MAGI2: variants seen among roughly 807,000 people sequenced by gnomAD.
MAGI2 encodes membrane-associated guanylate kinase, WW and PDZ domain-containing protein 2.
A neutral mutation model predicts 133.3 loss-of-function variants in MAGI2; 35 were observed. That is an observed-to-expected ratio of 0.26 (90% confidence interval 0.20 to 0.35). The LOEUF (loss-of-function observed/expected upper bound fraction) is 0.35. Among genes scored for constraint, MAGI2 ranks in the 10% least tolerant of loss-of-function variants. The probability of loss-of-function intolerance (pLI) is 1.00; values close to 1 mark genes in which losing one functional copy is unlikely to be tolerated. For missense variants in MAGI2, 1,636 were observed against 1,863.4 expected (o/e 0.88, Z 2.25); for synonymous variants, 729 against 710.6 (o/e 1.03, Z -0.41).
At chr7:78,922,081 T>G (rs1446045598) in intron 2 of MAGI2, among the ~76,000 whole-genome samples, 1 of 152,136 alleles carries the variant, frequency 6.6e-6, no homozygotes, top group African/African-American at 2.4e-5. Flanking sequence ...ACATGCTTTA[T>G]CAGTTGGTTC....
chr7:78,785,521 C>T lies in MAGI2; in HGVS notation c.419-158282G>A, dbSNP rs142878101. On this transcript the variant is annotated intron_variant, in intron 2 of 21. Transcript: ENST00000354212. ...GCCTTTGATGCCACTCACTTTTCTG[C>T]TCTGGGGATATGTGTAACATTTTTT... 7.3e-3 allele frequency among the ~76,000 whole-genome samples: 1,111 copies of T among 152,264 alleles called. 16 individuals are homozygous for T. Among genetic ancestry groups the T allele is most frequent in the African/African-American group, 0.026 (1,065 of 41,550 alleles).
intron 2 of MAGI2, among the ~76,000 whole-genome samples, chr7:78,872,533 A>G (rs1346639514): frequency 6.6e-6 from 1 of 152,162 alleles, no homozygotes; most frequent in South Asian, 2.1e-4. Context: ...ATCTCAAACC[A>G]TAAGTCAAAA....
At position 78,826,351 on chromosome 7, in the gene MAGI2, T is replaced by TAA. The variant is rs1212068156; in HGVS notation, c.418+180737_418+180738dup. ...CTAGGCGACAGAGTGAGACTCCGTC[T>TAA]AAAAAAAAAAAAAAAAAAAAAGAGT... On this transcript the variant is annotated intron_variant, in intron 2 of 21. Transcript: ENST00000354212. 1.1e-3 allele frequency among the ~76,000 whole-genome samples: 78 copies of TAA among 71,236 alleles called. 1 individual carries two copies. The highest frequency in any genetic ancestry group is 1.3e-3 in the African/African-American group (26 of 20,590). 46.7% of individuals were successfully genotyped at this position (71,236 alleles called of 152,430 possible).
chr7:79,047,105 A>C (rs771975126), intron 1 of MAGI2, among the ~76,000 whole-genome samples: 2 of 152,192 alleles, frequency 1.3e-5, no homozygotes, highest in Non-Finnish European at 2.9e-5. Flanking sequence ...TAAAATTATG[A>C]TGAGGCTATT....
rs1264885577 is a variant in MAGI2 at position 79,453,173 on chromosome 7, C to T, written c.148G>A (p.Gly50Ser). The T allele has an allele frequency of 1.9e-6, 3 of 1,614,052 alleles. No homozygotes were observed. The highest frequency in any genetic ancestry group is 8.5e-7 in the Non-Finnish European group (1 of 1,180,030). Residue 50 changes from glycine to serine, a missense_variant, in exon 1 of 22, where the codon GGC becomes AGC. By Grantham distance (56) the Gly-to-Ser change is moderately conservative. Transcript: ENST00000354212. ...CTGCCGCTCTCATAGGCCACCTTGC[C>T]GGGCTTCACCTCCCCCAGGTAGGGG... ...QFPYLGEVKP[G>S]KVAYESGSKL...
intron 2 of MAGI2, among the ~76,000 whole-genome samples, chr7:78,831,862 T>C (rs1261934012): frequency 2.6e-5 from 4 of 152,190 alleles, no homozygotes; most frequent in Non-Finnish European, 5.9e-5. Flanking sequence ...TTAAACACTC[T>C]CTGAAAAGAG....
At chr7:78,045,976 T>C (rs1237243471) in intron 21 of MAGI2, among the ~76,000 whole-genome samples, 2 of 152,170 alleles carry the variant, frequency 1.3e-5, no homozygotes, top group African/African-American at 4.8e-5. Context: ...AAGAACTAGA[T>C]GGTTTCCGGT....
chr7:78,314,404 G>A (rs1179339348), intron 9 of MAGI2, among the ~76,000 whole-genome samples: 2 of 152,150 alleles, frequency 1.3e-5, no homozygotes, highest in African/African-American at 2.4e-5. Context: ...TTGTAAGACA[G>A]ATAATTTGCT....
intron 1 of MAGI2, among the ~76,000 whole-genome samples, chr7:79,212,956 A>G (rs1479818634): frequency 1.3e-5 from 2 of 151,950 alleles, no homozygotes; most frequent in Non-Finnish European, 2.9e-5. Context: ...CTTCCTTAAC[A>G]CATAAATTTA....
At chr7:78,114,929 C>A (rs1381453248) in intron 20 of MAGI2, among the ~76,000 whole-genome samples, 1 of 152,200 alleles carries the variant, frequency 6.6e-6, no homozygotes, top group Non-Finnish European at 1.5e-5. Context: ...TGAGAGGGGG[C>A]AACTGCCAGC....
chr7:78,104,459 T>C (rs951307720), intron 20 of MAGI2, among the ~76,000 whole-genome samples: 3 of 151,762 alleles, frequency 2.0e-5, no homozygotes, highest in Admixed American at 2.0e-4. Flanking sequence ...CCTGACCTCG[T>C]CATCCGCCCG....
intron 9 of MAGI2, among the ~76,000 whole-genome samples, chr7:78,287,350 G>A (rs1796245210): frequency 6.6e-6 from 1 of 151,958 alleles, no homozygotes. Flanking sequence ...AACATACTAG[G>A]AAATGAATAG....
At chr7:78,514,977 T>C (rs1455326802) in intron 4 of MAGI2, among the ~76,000 whole-genome samples, 2 of 152,188 alleles carry the variant, frequency 1.3e-5, no homozygotes, top group Non-Finnish European at 2.9e-5. Flanking sequence ...GTAGCTCTCA[T>C]GGGCCCTGTT....
At chr7:78,194,302 A>G (rs1294617847) in intron 12 of MAGI2, among the ~76,000 whole-genome samples, 1 of 152,220 alleles carries the variant, frequency 6.6e-6, no homozygotes, top group African/African-American at 2.4e-5. Flanking sequence ...TGACAAGTGC[A>G]TACACGATAT....
At chr7:78,369,065 G>A in intron 7 of MAGI2, 91 bp downstream of exon 7, 1 of 818,496 alleles carries the variant, frequency 1.2e-6, no homozygotes, top group Admixed American at 2.6e-5. Context: ...GGAAATGAAG[G>A]GGCTGTGAGC....
chr7:79,392,298 A>G lies in MAGI2; in HGVS notation c.301+60722T>C, dbSNP rs187915317. Among the ~76,000 whole-genome samples the G allele has an allele frequency of 1.2e-3, 179 of 152,096 alleles. 1 individual carries two copies. Among genetic ancestry groups the G allele is most frequent in the African/African-American group, 4.2e-3 (173 of 41,492 alleles). ...GTTGCTTCCATGTCTTTGCTATTGG[A>G]GACAGTGCTGCAATAAACATACGTG... On this transcript the variant is annotated intron_variant, in intron 1 of 21. Coordinates refer to ENST00000354212, the MANE Select transcript of MAGI2 (RefSeq NM_012301.4).
chr7:79,329,356 ATTTG>A (rs1839909294), intron 1 of MAGI2, among the ~76,000 whole-genome samples: 1 of 152,238 alleles, frequency 6.6e-6, no homozygotes, highest in South Asian at 2.1e-4. Context: ...ACACGTAATA[ATTTG>A]TTTTATTGCC....
intron 18 of MAGI2, among the ~76,000 whole-genome samples, chr7:78,129,801 G>T (rs1021520060): frequency 6.6e-6 from 1 of 151,966 alleles, no homozygotes; most frequent in Non-Finnish European, 1.5e-5. Context: ...CGGGCGTGGT[G>T]GCACATGCCT....
intron 21 of MAGI2, among the ~76,000 whole-genome samples, chr7:78,040,413 G>A (rs1460425580): frequency 1.3e-5 from 2 of 152,184 alleles, no homozygotes; most frequent in Non-Finnish European, 2.9e-5. Context: ...TCACATTCCC[G>A]CGGGTTCCCT....
Sources: gnomAD v4.1 joint callset for allele counts (sites outside exome capture counted in the v4.1 genomes callset) on GRCh38, gnomAD v4.1.1 for gene constraint, MANE v1.5 for transcripts, NCBI Gene and HGNC (gene_info 2026-07-23, HGNC 2026-07-21) for gene names.